CFAP58: variants seen among roughly 807,000 people sequenced by gnomAD.
The protein encoded by CFAP58 is cilia- and flagella-associated protein 58.
A neutral mutation model predicts 119.5 loss-of-function variants in CFAP58; 88 were observed. The observed-to-expected ratio is 0.74, with a 90% CI of 0.62 to 0.88. CFAP58 has a LOEUF of 0.88. Among genes scored for constraint, CFAP58 ranks in the 40% least tolerant of loss-of-function variants. The pLI is 0.00. For missense variants in CFAP58, 990 were observed against 1,021.2 expected, an observed-to-expected ratio of 0.97 and a Z score of 0.42; for synonymous variants, 365 against 366.3, an observed-to-expected ratio of 1.00 and a Z score of 0.04.
intron 7 of CFAP58, among the ~76,000 whole-genome samples, chr10:104,372,404 G>C (rs1047554461): frequency 2.6e-5 from 4 of 152,084 alleles, no homozygotes; most frequent in African/African-American, 9.7e-5. Flanking sequence ...TTGTCACTTA[G>C]GTCTTTGTAG....
intron 15 of CFAP58, among the ~76,000 whole-genome samples, chr10:104,427,650 T>C (rs1414896983): frequency 6.6e-6 from 1 of 152,216 alleles, no homozygotes; most frequent in Non-Finnish European, 1.5e-5. Context: ...CTTTTCTGTC[T>C]CTGAAAATGA....
chr10:104,355,399 C>A (rs113538254), intron 1 of CFAP58, among the ~76,000 whole-genome samples: 14 of 152,336 alleles, frequency 9.2e-5, no homozygotes, highest in African/African-American at 3.1e-4. Flanking sequence ...TCAGAAGCTG[C>A]TCCACTATTA....
At chr10:104,352,014 A>G (rs1173598053), upstream of CFAP58, 1 of 152,264 alleles carries the variant, frequency 6.6e-6, no homozygotes, top group Non-Finnish European at 1.5e-5. Context: ...AATCTCAAGT[A>G]GCCTATGAAT....
At chr10:104,360,239 G>C (rs769736171) in intron 2 of CFAP58, among the ~76,000 whole-genome samples, 1 of 152,210 alleles carries the variant, frequency 6.6e-6, no homozygotes, top group Non-Finnish European at 1.5e-5. Context: ...ACTCAAAGCT[G>C]TTGTGTATTA....
At chr10:104,439,584 T>C (rs994022918) in intron 15 of CFAP58, among the ~76,000 whole-genome samples, 1 of 152,122 alleles carries the variant, frequency 6.6e-6, no homozygotes, top group Non-Finnish European at 1.5e-5. Context: ...CAGCATTTTA[T>C]TTCATTTCAT....
intron 15 of CFAP58, among the ~76,000 whole-genome samples, chr10:104,416,084 C>T (rs1403414277): frequency 6.6e-6 from 1 of 152,152 alleles, no homozygotes; most frequent in Non-Finnish European, 1.5e-5. Flanking sequence ...ACTTGACCTC[C>T]TAGACTGATA....
intron 2 of CFAP58, 33 bp from the exon 3 acceptor site, chr10:104,361,990 G>A (rs769529039): frequency 8.1e-6 from 13 of 1,599,990 alleles, no homozygotes; most frequent in Non-Finnish European, 1.1e-5. Context: ...ATCCAGTTTG[G>A]TCTTTCTCAC....
chr10:104,364,955 C>G, intron 4 of CFAP58, 66 bp downstream of exon 4: 11 of 1,506,646 alleles, frequency 7.3e-6, no homozygotes, highest in Non-Finnish European at 9.9e-6. Flanking sequence ...TCCACAGTCT[C>G]TATTCCCATC....
intron 15 of CFAP58, among the ~76,000 whole-genome samples, chr10:104,444,146 C>T (rs1051154415): frequency 6.6e-6 from 1 of 152,166 alleles, no homozygotes; most frequent in African/African-American, 2.4e-5. Flanking sequence ...AGGCATGCTA[C>T]AAAGCGATAT....
intron 11 of CFAP58, among the ~76,000 whole-genome samples, chr10:104,394,408 T>C (rs1186287617): frequency 6.6e-6 from 1 of 152,258 alleles, no homozygotes; most frequent in Non-Finnish European, 1.5e-5. Flanking sequence ...GGTACCTTGC[T>C]TTCTGCACAT....
intron 1 of CFAP58, among the ~76,000 whole-genome samples, chr10:104,358,090 C>T (rs1464049754): frequency 1.3e-5 from 2 of 148,244 alleles, no homozygotes; most frequent in Non-Finnish European, 3.0e-5. Flanking sequence ...TATATACACA[C>T]ATATATATGT....
chr10:104,395,548 C>T (rs563832429), intron 11 of CFAP58, among the ~76,000 whole-genome samples: 5 of 152,226 alleles, frequency 3.3e-5, no homozygotes, highest in Admixed American at 6.5e-5. Context: ...AATGGTGCTC[C>T]GACTGGATAA....
intron 15 of CFAP58, among the ~76,000 whole-genome samples, chr10:104,428,405 T>C (rs1039542852): frequency 6.6e-6 from 1 of 152,014 alleles, no homozygotes; most frequent in Admixed American, 6.5e-5. Context: ...TATGAAACAT[T>C]GGAGGGAAAA....
intron 6 of CFAP58, among the ~76,000 whole-genome samples, 192 bp from the exon 7 acceptor site, chr10:104,370,700 AACC>A (rs1356959934): frequency 6.6e-6 from 1 of 152,254 alleles, no homozygotes; most frequent in Non-Finnish European, 1.5e-5. Flanking sequence ...TATAAAACAT[AACC>A]ACATATTTTA....
the CFAP58 span, among the ~76,000 whole-genome samples, chr10:104,343,707 C>T: frequency 1.3e-5 from 2 of 152,136 alleles, no homozygotes; most frequent in Non-Finnish European, 2.9e-5. Context: ...ATGCAGGCCA[C>T]AACTTATTAA....
chr10:104,393,583 C>A, intron 11 of CFAP58, 108 bp downstream of exon 11: 2 of 1,075,016 alleles, frequency 1.9e-6, no homozygotes, highest in Non-Finnish European at 2.6e-6. Flanking sequence ...CCACGCCTGC[C>A]TGTGGTCACA....
intron 7 of CFAP58, among the ~76,000 whole-genome samples, chr10:104,371,888 G>A (rs2014828183): frequency 6.6e-6 from 1 of 152,182 alleles, no homozygotes; most frequent in Admixed American, 6.5e-5. Flanking sequence ...CGTGAGGCAG[G>A]AACATCTGTG....
At chr10:104,420,278 A>G (rs551514245) in intron 15 of CFAP58, among the ~76,000 whole-genome samples, 1 of 152,332 alleles carries the variant, frequency 6.6e-6, no homozygotes, top group Admixed American at 6.5e-5. Flanking sequence ...TAAATGTGCC[A>G]GGAATAACTT....
chr10:104,397,075 G>T (rs2012175891), intron 11 of CFAP58, among the ~76,000 whole-genome samples: 1 of 152,176 alleles, frequency 6.6e-6, no homozygotes, highest in Non-Finnish European at 1.5e-5. Context: ...TATAACAGGG[G>T]TTTCATTTTG....
Sources: gnomAD v4.1 joint callset for allele counts (sites outside exome capture counted in the v4.1 genomes callset) on GRCh38, gnomAD v4.1.1 for gene constraint, MANE v1.5 for transcripts, NCBI Gene and HGNC (gene_info 2026-07-23, HGNC 2026-07-21) for gene names.